URB1: variants seen among roughly 807,000 people sequenced by gnomAD.
URB1 encodes nucleolar pre-ribosomal-associated protein 1.
Under a neutral mutation model 242.3 loss-of-function variants are expected in URB1, and 197 were observed. The ratio of observed to expected loss-of-function variants is 0.81; its 90% CI spans 0.72 to 0.91. The LOEUF (loss-of-function observed/expected upper bound fraction) is 0.91. Among genes scored for constraint, URB1 ranks in the 40% least tolerant of loss-of-function variants. URB1 has a pLI of 0.00. For synonymous variants in URB1, 1,153 were observed against 1,201.8 expected (o/e 0.96, Z 0.84); for missense variants, 2,721 against 2,860.5 (o/e 0.95, Z 1.11).
chr21:32,362,115 G>T, intron 11 of URB1, 94 bp from the exon 12 acceptor site: 1 of 1,463,850 alleles, frequency 6.8e-7, no homozygotes. Flanking sequence ...AAAACAGGGA[G>T]GGGGGTGCGA....
chr21:32,315,174 G>T, intron 38 of URB1, 75 bp from the exon 39 acceptor site: 2 of 1,394,764 alleles, frequency 1.4e-6, no homozygotes. Flanking sequence ...TGCCCACAAT[G>T]CAACGGCTTT....
At chr21:32,384,500 T>C in intron 2 of URB1, 36 bp from the exon 3 acceptor site, 4 of 1,542,108 alleles carry the variant, frequency 2.6e-6, no homozygotes, top group Non-Finnish European at 3.5e-6. Context: ...AGAAATCGTC[T>C]CATTTCCTTT....
At chr21:32,330,203 T>G (rs1400551142) in intron 30 of URB1, among the ~76,000 whole-genome samples, 1 of 148,722 alleles carries the variant, frequency 6.7e-6, no homozygotes, top group Non-Finnish European at 1.5e-5. Flanking sequence ...GAGTGTTTTT[T>G]TTTTTTTTTT....
At chr21:32,349,273 G>A (rs1420792331) in intron 21 of URB1, 31 bp downstream of exon 21, 2 of 1,500,300 alleles carry the variant, frequency 1.3e-6, no homozygotes, top group Non-Finnish European at 1.8e-6. Context: ...ATGACTCTGA[G>A]AATAGGCTAC....
At chr21:32,378,660 T>A in intron 4 of URB1, 119 bp from the exon 5 acceptor site, 2 of 804,032 alleles carry the variant, frequency 2.5e-6, no homozygotes, top group Non-Finnish European at 4.1e-6. Context: ...CCCAGCCTTG[T>A]CCCCAGTCAC....
chr21:32,368,584 G>T lies in URB1; in HGVS notation c.1016C>A (p.Thr339Lys). The change falls in exon 9 of 39, where the codon ACA becomes AAA. Residue 339 changes from threonine (T) to lysine (K), a missense_variant. Physicochemically the swap from Thr to Lys is moderately conservative, Grantham distance 78. Coordinates refer to ENST00000382751, the MANE Select transcript of URB1 (RefSeq NM_014825.3). Reference protein sequence around the residue: ...LGTFGRGGNLTLLHFLLGLKT... With the variant: ...LGTFGRGGNLKLLHFLLGLKT... Reference sequence around the variant, plus strand: ...CAAACCCAGCAAGAAGTGCAAGAGTGTCAGGTTTCCGCCTCTGTTAGAGAA... The same window carrying T: ...CAAACCCAGCAAGAAGTGCAAGAGTTTCAGGTTTCCGCCTCTGTTAGAGAA... 1 of 1,550,598 alleles carries T rather than the reference G, an allele frequency of 6.4e-7. No homozygotes were observed. Among genetic ancestry groups the T allele is most frequent in the Non-Finnish European group, 8.7e-7 (1 of 1,146,590 alleles).
At chr21:32,329,101 T>C (rs1321623285) in intron 30 of URB1, among the ~76,000 whole-genome samples, 1 of 54,394 alleles carries the variant, frequency 1.8e-5, no homozygotes, top group Non-Finnish European at 4.6e-5. Context: ...AGATACAGTC[T>C]CTACCAAAAA....
intron 4 of URB1, 94 bp downstream of exon 4, chr21:32,383,328 G>GA (rs1482283720): frequency 1.4e-6 from 2 of 1,397,692 alleles, no homozygotes; most frequent in East Asian, 5.1e-5. Flanking sequence ...TTTCATCTGT[G>GA]TGGGGATCAG....
intron 29 of URB1, among the ~76,000 whole-genome samples, chr21:32,333,708 TCTCTATCTCATGTTAGTGCTCAAAAAGC>T (rs1266014623): frequency 1.3e-5 from 2 of 152,228 alleles, no homozygotes; most frequent in African/African-American, 4.8e-5. Context: ...AGCAAAGGCG[TCTCTATCTCATGTTAGTGCTCAAAAAGC>T]TTCAAATTTT....
At chr21:32,367,717 C>A (rs1316205912) in intron 9 of URB1, among the ~76,000 whole-genome samples, 1 of 152,242 alleles carries the variant, frequency 6.6e-6, no homozygotes, top group African/African-American at 2.4e-5. Context: ...ATTGAAGCAG[C>A]AACCTTTAAA....
intron 3 of URB1, 40 bp from the exon 4 acceptor site, chr21:32,383,594 A>G: frequency 6.5e-7 from 1 of 1,531,984 alleles, no homozygotes; most frequent in Non-Finnish European, 8.8e-7. Context: ...CGTCAACAAC[A>G]GCAGAAGCAC....
In URB1 at chr21:32,347,634, G is replaced by A. The variant is rs1447309390; in HGVS notation, c.3190C>T (p.Gln1064Ter). ...QLLAASAPILQNIGQLGLLAR... is the reference protein window; with the variant it reads ...QLLAASAPIL ...AGAAGGCCCAGCTGCCCAATGTTCT[G>A]GAGGATCGGGGCACTTGCTGCCAGC... Residue 1064 changes from glutamine to a stop codon, truncating the protein, a stop_gained, in exon 22 of 39, where the codon CAG (glutamine) becomes TAG (stop). Coordinates refer to ENST00000382751, the MANE Select transcript of URB1 (RefSeq NM_014825.3). LOFTEE classifies it high-confidence loss of function. The A allele has an allele frequency of 1.3e-6, 2 of 1,551,682 alleles. No individual in the cohort carries two copies. Among genetic ancestry groups the A allele is most frequent in the Admixed American group, 2.0e-5 (1 of 51,014 alleles).
At chr21:32,383,305 T>G (rs1023596510) in intron 4 of URB1, 117 bp downstream of exon 4, 1 of 1,297,360 alleles carries the variant, frequency 7.7e-7, no homozygotes, top group South Asian at 1.6e-5. Context: ...CCTTTCTACA[T>G]AGACACCTCT....
intron 32 of URB1, among the ~76,000 whole-genome samples, chr21:32,323,601 A>G (rs1175098032): frequency 6.6e-6 from 1 of 152,200 alleles, no homozygotes; most frequent in Admixed American, 6.5e-5. Flanking sequence ...TGAATCAATG[A>G]TGAATAATGG....
At position 32,312,109 on chromosome 21, in the gene URB1, G is replaced by C. The variant is rs796506212; in HGVS notation, c.*2809C>G. On this transcript the variant is annotated 3_prime_UTR_variant, in exon 39 of 39. Transcript: ENST00000382751. ...TTGCATGTAGCAGAAAGGGCACCTA[G>C]GTCAAGTGCAACTAGAGCAGGAGCA... 1.7e-5 allele frequency: 26 copies of C among 1,570,828 alleles called. No homozygotes were observed. The African/African-American group carries it at 2.0e-4, about 12-fold the overall frequency.
Position 32,355,566 on chromosome 21 carries a change from C to A in URB1, c.1990-1G>T. 1 of 1,551,484 alleles carries A rather than the reference C, an allele frequency of 6.4e-7. No individual in the cohort carries two copies. Among genetic ancestry groups the A allele is most frequent in the Non-Finnish European group, 8.7e-7 (1 of 1,146,764 alleles). ...CAAACACCCCCGTGTCCCGCAGAAT[C>A]TGCCAGGAAGTAGGCACCGGTGAAA... On this transcript the variant is annotated splice_acceptor_variant, in intron 15 of 38. Coordinates refer to ENST00000382751, the MANE Select transcript of URB1 (RefSeq NM_014825.3). LOFTEE classifies it high-confidence loss of function.
rs141270939 is a variant in URB1, at chr21:32,319,400, G to C, written c.5609C>G (p.Pro1870Arg). The C allele has an allele frequency of 4.4e-5, 67 of 1,524,820 alleles. No individual in the cohort carries two copies. In the Middle Eastern group the frequency reaches 6.8e-4, roughly 15 times the overall value. The allele number at this position is 1,524,820 out of a possible 1,614,324, so 94.5% of individuals were successfully genotyped here. A position where few individuals can be genotyped will look rare whatever the true frequency, so the allele number is the denominator to read the frequency against. Residue 1870 changes from proline (P) to arginine (R), a missense_variant, in exon 36 of 39, where the codon CCG becomes CGG. By Grantham distance (103) the Pro-to-Arg change is moderately radical. Transcript: ENST00000382751. ...HILESKFLETPLLSNVISLLH... is the reference protein window; with the variant it reads ...HILESKFLETRLLSNVISLLH... ...CAAGGAGATCACATTAGACAGCAGC[G>C]GAGTCTCCAGAAACCTAAAACCAAG... is the stretch of plus-strand genomic sequence containing the variant.
chr21:32,337,223 C>T lies in URB1; in HGVS notation c.4622-66G>A. 5 of 1,507,964 alleles carry T rather than the reference C, an allele frequency of 3.3e-6. No individual in the cohort carries two copies. In the South Asian group the frequency reaches 6.0e-5, roughly 18 times the overall value. The allele number at this position is 1,507,964 out of a possible 1,614,324, so 93.4% of individuals were successfully genotyped here. A position where few individuals can be genotyped will look rare whatever the true frequency, so the allele number is the denominator to read the frequency against. Reference sequence around the variant, plus strand: ...TGACACCCTCCTGCTGCTCCCACCACCTGCCCTCATACCCTCCCTGCTCAA... The same window carrying T: ...TGACACCCTCCTGCTGCTCCCACCATCTGCCCTCATACCCTCCCTGCTCAA... On this transcript the variant is annotated intron_variant, in intron 27 of 38. Transcript: ENST00000382751.
chr21:32,347,093 T>G lies in URB1; in HGVS notation c.3731A>C (p.His1244Pro). 6.5e-7 allele frequency: 1 copy of G among 1,550,316 alleles called. No homozygotes were observed. Among genetic ancestry groups the G allele is most frequent in the East Asian group, 2.4e-5 (1 of 40,886 alleles). The change falls in exon 22 of 39, where the codon CAC (histidine) becomes CCC (proline). Residue 1244 changes from histidine to proline, a missense_variant. Coordinates refer to ENST00000382751, the MANE Select transcript of URB1 (RefSeq NM_014825.3). The part of the protein sequence containing the change: ...AALLLQESCT[H>P]LLWFEQWCLQ... ...GCACCACTGCTCGAACCACAGCAAG[T>G]GGGTGCAGCTCTCCTGGAGGAGCAG... is the stretch of plus-strand genomic sequence containing the variant.
Sources: gnomAD v4.1 joint callset for allele counts (sites outside exome capture counted in the v4.1 genomes callset) on GRCh38, gnomAD v4.1.1 for gene constraint, MANE v1.5 for transcripts, NCBI Gene and HGNC (gene_info 2026-07-23, HGNC 2026-07-21) for gene names.